ZNF229: variants seen among roughly 807,000 people sequenced by gnomAD.
The protein encoded by ZNF229 is zinc finger protein 229.
ZNF229 carries 10 observed loss-of-function variants against 11.8 expected under a neutral mutation model. The observed-to-expected ratio is 0.85, with a 90% CI of 0.52 to 1.44. The LOEUF (loss-of-function observed/expected upper bound fraction) is 1.44, where lower values mean the gene tolerates loss of function less well. ZNF229 is among the 40% of genes most tolerant of loss of function. ZNF229 has a pLI of 0.00. For synonymous variants in ZNF229, 368 were observed against 374.8 expected (o/e 0.98, Z 0.21); for missense variants, 1,045 against 1,015.1 (o/e 1.03, Z -0.40).
chr19:44,442,011 A>C (rs985203305), intron 4 of ZNF229, among the ~76,000 whole-genome samples: 4 of 152,224 alleles, frequency 2.6e-5, no homozygotes, highest in Non-Finnish European at 4.4e-5. Flanking sequence ...AGTGGGCATT[A>C]GTTTTTCTCT....
chr19:44,429,952 C>T lies in ZNF229; in HGVS notation c.829G>A (p.Asp277Asn), dbSNP rs201920236. ...SNEYRNGFRDDADLPPHPRVP... is the reference protein window; with the variant it reads ...SNEYRNGFRDNADLPPHPRVP... ...CTTGGATGCGGGGGAAGGTCTGCAT[C>T]GTCCCTGAAGCCATTTCTGTATTCG... The change falls in exon 6 of 6, where the codon GAT becomes AAT. Residue 277 changes from aspartate to asparagine, a missense_variant. Coordinates refer to ENST00000614049, the MANE Select transcript of ZNF229 (RefSeq NM_014518.4). The T allele has an allele frequency of 4.3e-6, 7 of 1,613,890 alleles. No individual in the cohort carries two copies. Among genetic ancestry groups the T allele is most frequent in the South Asian group, 1.1e-5 (1 of 91,074 alleles).
intron 2 of ZNF229, among the ~76,000 whole-genome samples, chr19:44,444,047 T>C (rs541054163): frequency 2.0e-5 from 3 of 152,250 alleles, no homozygotes; most frequent in Admixed American, 2.0e-4. Flanking sequence ...TCAAAATAAT[T>C]GAGTCTTCTT....
Position 44,429,058 on chromosome 19 carries a change from T to C in ZNF229, c.1723A>G (p.Ser575Gly), listed in dbSNP as rs767412030. The C allele has an allele frequency of 9.3e-6, 15 of 1,611,650 alleles. No homozygotes were observed. In the African/African-American group the frequency reaches 9.4e-5, roughly 10 times the overall value. Residue 575 changes from serine (S) to glycine (G), a missense_variant, in exon 6 of 6, where the codon AGT becomes GGT. Ser to Gly is a moderately conservative substitution (Grantham distance 56). Transcript: ENST00000614049. ...VHTGEKPYKC[S>G]ECGKGFRRNS... ...CGCCGGAAGCCCTTCCCACACTCAC[T>C]GCATTTATAGGGTTTCTCTCCTGTG... is the stretch of plus-strand genomic sequence containing the variant.
At chr19:44,439,124 C>T (rs1447454698) in intron 4 of ZNF229, among the ~76,000 whole-genome samples, 1 of 152,122 alleles carries the variant, frequency 6.6e-6, no homozygotes, top group Admixed American at 6.5e-5. Context: ...CCGAAGGGCA[C>T]CCAGCAAAAC....
chr19:44,445,171 AAATCAGAACCAG>A (rs1437875722), intron 2 of ZNF229, among the ~76,000 whole-genome samples: 1 of 152,188 alleles, frequency 6.6e-6, no homozygotes, highest in Non-Finnish European at 1.5e-5. Context: ...AAATACCTAC[AAATCAGAACCAG>A]AATCAGATTA....
At chr19:44,431,940 T>A (rs903683304) in intron 5 of ZNF229, 5 of 613,756 alleles carry the variant, frequency 8.1e-6, no homozygotes, top group Non-Finnish European at 1.1e-5. Context: ...AGAAAACAGA[T>A]GCCCAGAGAG....
At chr19:44,447,408 G>A (rs1972020676) in intron 2 of ZNF229, 105 bp downstream of exon 2, 1 of 152,146 alleles carries the variant, frequency 6.6e-6, no homozygotes, top group Non-Finnish European at 1.5e-5. Context: ...GGGAAGGCAG[G>A]TGTGGCTAAG....
At chr19:44,448,024 G>C (rs916877932) in intron 1 of ZNF229, among the ~76,000 whole-genome samples, 1 of 152,162 alleles carries the variant, frequency 6.6e-6, no homozygotes, top group Non-Finnish European at 1.5e-5. Context: ...CATTTCAAAG[G>C]ATAAAATTAG....
In ZNF229 at chr19:44,442,639, G is replaced by A. The variant is rs1971933330; in HGVS notation, c.35-18C>T. The stretch of plus-strand genomic sequence containing the variant: ...ATGAAGAGCTGTAGGAGGAGAAAGA[G>A]GCCATGAGGAGGAGTTGGTGCTGCC... On this transcript the variant is annotated intron_variant, in intron 3 of 5. Transcript: ENST00000614049. 1 of 1,613,914 alleles carries A rather than the reference G, an allele frequency of 6.2e-7. No individual in the cohort carries two copies. The highest frequency in any genetic ancestry group is 1.7e-5 in the Admixed American group (1 of 59,996).
chr19:44,442,436 A>G (rs1600031255), intron 4 of ZNF229, 127 bp downstream of exon 4: 2 of 907,176 alleles, frequency 2.2e-6, no homozygotes, highest in East Asian at 5.2e-5. Context: ...TATTTTGTGG[A>G]TAAATGCAAC....
rs1196410877 is a variant in ZNF229, at chr19:44,429,775, T to C, written c.1006A>G (p.Ile336Val). ...RGRGVRQNTHIRNHPRAPVGD... is the reference protein window; with the variant it reads ...RGRGVRQNTHVRNHPRAPVGD... Reference sequence around the variant, plus strand: ...ACAGGGGCTCTGGGGTGGTTACGTATGTGCGTGTTCTGTCTGACGCCCCGA... The same window carrying C: ...ACAGGGGCTCTGGGGTGGTTACGTACGTGCGTGTTCTGTCTGACGCCCCGA... Residue 336 changes from isoleucine (I) to valine (V), a missense_variant, in exon 6 of 6, where the codon ATA becomes GTA. Coordinates refer to ENST00000614049, the MANE Select transcript of ZNF229 (RefSeq NM_014518.4). The C allele has an allele frequency of 1.9e-6, 3 of 1,613,998 alleles. No homozygotes were observed. Among genetic ancestry groups the C allele is most frequent in the Non-Finnish European group, 2.5e-6 (3 of 1,180,036 alleles).
At position 44,428,031 on chromosome 19, in the gene ZNF229, G is replaced by C. The variant is rs574858894; in HGVS notation, c.*272C>G. The C allele has an allele frequency of 8.5e-6, 3 of 351,412 alleles. No homozygotes were observed. The Admixed American group carries it at 1.3e-4, about 15-fold the overall frequency. The allele number at this position is 351,412 out of a possible 1,614,324, so 21.8% of individuals were successfully genotyped here. On this transcript the variant is annotated 3_prime_UTR_variant, in exon 6 of 6. Transcript: ENST00000614049. ...GCTCCCTCCCAGGCAGATTCTGATG[G>C]AAGTGAGGATTATTACTGAAACCAC... is the stretch of plus-strand genomic sequence containing the variant.
rs765186266 is a variant in ZNF229 at position 44,431,859 on chromosome 19, G to A, written c.238+363C>T. On this transcript the variant is annotated intron_variant, in intron 5 of 5. Coordinates refer to ENST00000614049, the MANE Select transcript of ZNF229 (RefSeq NM_014518.4). ...CCTAAATCCCAACGTGATACCATTAGGAGGTGGTGGGTCTTCCGGAGGTAA... is the reference window on the plus strand; with the variant it reads ...CCTAAATCCCAACGTGATACCATTAAGAGGTGGTGGGTCTTCCGGAGGTAA... 1.8e-4 allele frequency: 176 copies of A among 959,462 alleles called. 1 individual carries two copies. Among genetic ancestry groups the A allele is most frequent in the Non-Finnish European group, 1.2e-4 (94 of 802,804 alleles). 59.4% of individuals were successfully genotyped at this position (959,462 alleles called of 1,614,324 possible). A position where few individuals can be genotyped will look rare whatever the true frequency, so the allele number is the denominator to read the frequency against.
intron 2 of ZNF229, among the ~76,000 whole-genome samples, chr19:44,444,723 G>A (rs542224084): frequency 6.6e-5 from 10 of 152,304 alleles, no homozygotes; most frequent in Non-Finnish European, 1.2e-4. Flanking sequence ...TGTTTTAAAC[G>A]TTTCCAGGGG....
Position 44,442,609 on chromosome 19 carries a change from T to C in ZNF229, c.47A>G (p.Gln16Arg). The change falls in exon 4 of 6, where the codon CAA becomes CGA. Residue 16 changes from glutamine (Q) to arginine (R), a missense_variant. Physicochemically the swap from Gln to Arg is conservative, Grantham distance 43. Transcript: ENST00000614049. ...CCTATCTTGGGAAATGGCTGAGGCT[T>C]GAGAATGAAGAGCTGTAGGAGGAGA... is the stretch of plus-strand genomic sequence containing the variant. ...SRHEKRALHS[Q>R]ASAISQDREE... The C allele has an allele frequency of 6.2e-7, 1 of 1,614,010 alleles. No homozygotes were observed. Among genetic ancestry groups the C allele is most frequent in the Non-Finnish European group, 8.5e-7 (1 of 1,179,994 alleles).
chr19:44,442,799 T>A lies in ZNF229; in HGVS notation c.34+15A>T. 2.7e-4 allele frequency: 279 copies of A among 1,049,792 alleles called. No individual in the cohort carries two copies. The highest frequency in any genetic ancestry group is 3.3e-4 in the Non-Finnish European group (251 of 761,884). 65.0% of individuals were successfully genotyped at this position (1,049,792 alleles called of 1,614,324 possible). On this transcript the variant is annotated intron_variant, in intron 3 of 5. Transcript: ENST00000614049. ...TTGGATTCTCCCCCCACCCACCCCCTCTATTAGCTGTCACCTCTTTTCTCA... is the reference window on the plus strand; with the variant it reads ...TTGGATTCTCCCCCCACCCACCCCCACTATTAGCTGTCACCTCTTTTCTCA...
At chr19:44,436,491 G>A (rs906003336) in intron 4 of ZNF229, among the ~76,000 whole-genome samples, 1 of 152,080 alleles carries the variant, frequency 6.6e-6, no homozygotes, top group African/African-American at 2.4e-5. Flanking sequence ...TTCAAAAGTA[G>A]GTGTTTAAGC....
chr19:44,445,853 T>C lies in ZNF229; in HGVS notation c.-178+1660A>G, dbSNP rs912792778. Among the ~76,000 whole-genome samples the C allele has an allele frequency of 3.9e-5, 6 of 152,210 alleles. No individual in the cohort carries two copies. The East Asian group carries it at 1.2e-3, about 29-fold the overall frequency. ...GTAACCTGAACTCAGCTTGCTGATA[T>C]GGATCCTTGGGTCCTCTTGATGTCA... On this transcript the variant is annotated intron_variant, in intron 2 of 5. Transcript: ENST00000614049.
chr19:44,435,521 G>GCTGT (rs1283044437), intron 4 of ZNF229, among the ~76,000 whole-genome samples: 4 of 152,180 alleles, frequency 2.6e-5, no homozygotes, highest in Admixed American at 6.5e-5. Flanking sequence ...CCTGTGAAAT[G>GCTGT]CTGTCTATCA....
Sources: allele counts gnomAD v4.1 joint callset (sites outside exome capture counted in the v4.1 genomes callset), GRCh38; gene constraint gnomAD v4.1.1; transcripts MANE v1.5; gene names NCBI Gene and HGNC (gene_info 2026-07-23, HGNC 2026-07-21).